Variants in GRK1 observed in about 807,000 individuals in gnomAD.
GRK1 encodes G protein-coupled receptor kinase 1.
A neutral mutation model predicts 41.7 loss-of-function variants in GRK1; 28 were observed. The observed-to-expected ratio is 0.67, with a 90% CI of 0.50 to 0.92. The LOEUF (loss-of-function observed/expected upper bound fraction) is 0.92. GRK1 is among the 40% of genes least tolerant of loss of function. The probability of loss-of-function intolerance (pLI) is 0.00; values close to 1 mark genes in which losing one functional copy is unlikely to be tolerated. For missense variants in GRK1, 703 were observed against 671.2 expected, an observed-to-expected ratio of 1.05 and a Z score of -0.52; for synonymous variants, 327 against 286.7, an observed-to-expected ratio of 1.14 and a Z score of -1.42.
At chr13:113,665,266 T>C (rs1403245943), upstream of GRK1, among the ~76,000 whole-genome samples, 1 of 152,188 alleles carries the variant, frequency 6.6e-6, no homozygotes. Flanking sequence ...TACTGTGTGC[T>C]GGAATAAGAC....
intron 2 of GRK1, among the ~76,000 whole-genome samples, chr13:113,670,783 T>C (rs1201876551): frequency 1.1e-5 from 1 of 92,234 alleles, no homozygotes; most frequent in Non-Finnish European, 2.3e-5. Context: ...GAGGGGGCGC[T>C]GGGAAACGCA....
chr13:113,735,127 G>A lies in GRK1; in HGVS notation c.1456G>A (p.Asp486Asn), dbSNP rs2049993170. The A allele has an allele frequency of 1.3e-6, 2 of 1,537,092 alleles. No homozygotes were observed. The highest frequency in any genetic ancestry group is 2.0e-5 in the Admixed American group (1 of 50,998). Residue 486 changes from aspartate to asparagine, a missense_variant, in exon 7 of 7, where the codon GAC (aspartate) becomes AAC (asparagine). Physicochemically the swap from Asp to Asn is conservative, Grantham distance 23 (BLOSUM62 1). Transcript: ENST00000335678. ...AACTGTCTACGCAAAGGATATTCAG[G>A]ACGTGGGTGCCTTTTCCACCGTCAA... Reference protein sequence around the residue: ...SKTVYAKDIQDVGAFSTVKGV... With the variant: ...SKTVYAKDIQNVGAFSTVKGV...
At chr13:113,657,717 G>A in the GRK1 span, among the ~76,000 whole-genome samples, 1 of 152,256 alleles carries the variant, frequency 6.6e-6, no homozygotes, top group South Asian at 2.1e-4. Flanking sequence ...TTTTCAAAAT[G>A]ATTCACTTTA....
intron 4 of GRK1, among the ~76,000 whole-genome samples, chr13:113,725,448 T>C (rs368465876): frequency 2.2e-3 from 2 of 896 alleles, no homozygotes; most frequent in African/African-American, 0.03. Flanking sequence ...AGGGGCGGGA[T>C]CCAGGGGCGT....
chr13:113,651,784 C>T, the GRK1 span: 1 of 1,583,870 alleles, frequency 6.3e-7, no homozygotes, highest in East Asian at 2.3e-5. Flanking sequence ...ATGTGAGGTG[C>T]ACGGCACCCA....
At position 113,667,988 on chromosome 13, in the gene GRK1, T is replaced by C. The variant is rs746154925; in HGVS notation, c.602T>C (p.Phe201Ser). The change falls in exon 1 of 7, where the codon TTC becomes TCC. Residue 201 changes from phenylalanine (F) to serine (S), a missense_variant. Phe to Ser is a radical substitution (Grantham distance 155). Coordinates refer to ENST00000335678, the MANE Select transcript of GRK1 (RefSeq NM_002929.3). This position sits in a 1 kb window ranked among gnomAD's most constrained non-coding sequence, Gnocchi z 7.5. ...TTCAGGGTCCTAGGGAAAGGGGGCT[T>C]CGGGGAGGTGTCGGCCTGCCAGATG... ...LDFRVLGKGG[F>S]GEVSACQMKA... The C allele has an allele frequency of 1.2e-6, 2 of 1,611,356 alleles. No homozygotes were observed. Among genetic ancestry groups the C allele is most frequent in the Admixed American group, 3.4e-5 (2 of 59,618 alleles).
In GRK1 at chr13:113,671,672, G is replaced by A. The variant is rs755004164; in HGVS notation, c.985+16G>A. Reference sequence around the variant, plus strand: ...GACAATGACGGTAGGAGGTGCCCTCGGCTGGGAGGGATGAGGGCTACGAGG... The same window carrying A: ...GACAATGACGGTAGGAGGTGCCCTCAGCTGGGAGGGATGAGGGCTACGAGG... On this transcript the variant is annotated intron_variant, in intron 3 of 6. Coordinates refer to ENST00000335678, the MANE Select transcript of GRK1 (RefSeq NM_002929.3). This position sits in a 1 kb window ranked among gnomAD's most constrained non-coding sequence, Gnocchi z 4.1. 6.8e-6 allele frequency: 5 copies of A among 738,658 alleles called. No homozygotes were observed. Among genetic ancestry groups the A allele is most frequent in the East Asian group, 2.5e-5 (1 of 39,586 alleles). The allele number at this position is 738,658 out of a possible 1,614,324, so 45.8% of individuals were successfully genotyped here.
the GRK1 span, among the ~76,000 whole-genome samples, chr13:113,659,248 T>C: frequency 6.6e-6 from 1 of 152,224 alleles, no homozygotes; most frequent in Non-Finnish European, 1.5e-5. Flanking sequence ...ATGCCATTGC[T>C]GCCTGCTGGC....
the GRK1 span, among the ~76,000 whole-genome samples, chr13:113,649,795 T>C: frequency 6.6e-6 from 1 of 152,068 alleles, no homozygotes; most frequent in African/African-American, 2.4e-5. The surrounding 1 kb of genome is among the most constrained non-coding windows in gnomAD (Gnocchi z 4.7). Flanking sequence ...AACGTAAAAA[T>C]GAAACAGGAA....
chr13:113,648,690 CA>C, the GRK1 span: 6 of 152,192 alleles, frequency 3.9e-5, no homozygotes, highest in Middle Eastern at 3.2e-3. Context: ...GCTGCCGACA[CA>C]CTCACTCCCC....
Position 113,733,093 on chromosome 13 carries a change from T to C in GRK1, c.1396+8T>C, listed in dbSNP as rs578112613. ...GGAGGCAGCTGGAGGCTGGTACTGT[T>C]GGACGCCTCAGCCCCGGAGAGGGTG... On this transcript the variant is annotated splice_region_variant and intron_variant, in intron 6 of 6. Transcript: ENST00000335678. The C allele has an allele frequency of 2.6e-6, 4 of 1,534,158 alleles. No homozygotes were observed. Among genetic ancestry groups the C allele is most frequent in the Non-Finnish European group, 3.5e-6 (4 of 1,145,470 alleles).
At chr13:113,729,888 C>T (rs527538480) in intron 4 of GRK1, among the ~76,000 whole-genome samples, 33 of 151,466 alleles carry the variant, frequency 2.2e-4, no homozygotes, top group African/African-American at 7.3e-4. Context: ...TCCCTCCATC[C>T]GGAGACAGTC....
chr13:113,659,966 C>T, the GRK1 span, among the ~76,000 whole-genome samples: 12 of 152,176 alleles, frequency 7.9e-5, no homozygotes, highest in Non-Finnish European at 1.3e-4. Flanking sequence ...TATTTCTAAA[C>T]ATCTTTGAAT....
At position 113,735,652 on chromosome 13, in the gene GRK1, C is replaced by G. The variant is rs892304167; in HGVS notation, c.*289C>G. 2.1e-5 allele frequency: 7 copies of G among 325,846 alleles called. No individual in the cohort carries two copies. Among genetic ancestry groups the G allele is most frequent in the South Asian group, 1.0e-4 (1 of 9,552 alleles). 20.2% of individuals were successfully genotyped at this position (325,846 alleles called of 1,614,324 possible). ...TCTCCAGAGGGAGTAAGCCAAAAAT[C>G]TACAAACTCTTAGGGAGCCTCCTGC... is the stretch of plus-strand genomic sequence containing the variant. On this transcript the variant is annotated 3_prime_UTR_variant, in exon 7 of 7. Coordinates refer to ENST00000335678, the MANE Select transcript of GRK1 (RefSeq NM_002929.3).
intron 6 of GRK1, among the ~76,000 whole-genome samples, chr13:113,733,737 A>ATGTG (rs879854132): frequency 1.1e-5 from 1 of 87,132 alleles, no homozygotes; most frequent in African/African-American, 4.9e-5. Context: ...GCGCGTGTGT[A>ATGTG]TGTGTGCATA....
chr13:113,650,577 G>C, the GRK1 span: 5 of 1,236,800 alleles, frequency 4.0e-6, no homozygotes, highest in Non-Finnish European at 5.7e-6. The surrounding 1 kb of genome is among the most constrained non-coding windows in gnomAD (Gnocchi z 5.0). Context: ...TGTTGCGTTT[G>C]TGTGCGTGTG....
chr13:113,723,841 C>T (rs983020756), intron 4 of GRK1, among the ~76,000 whole-genome samples: 2 of 130,826 alleles, frequency 1.5e-5, no homozygotes, highest in Admixed American at 7.2e-5. Flanking sequence ...TCTGTGCACA[C>T]GTGTCTGTGT....
At chr13:113,661,643 G>A in the GRK1 span, among the ~76,000 whole-genome samples, 1 of 152,060 alleles carries the variant, frequency 6.6e-6, no homozygotes, top group African/African-American at 2.4e-5. Context: ...ACTGATAGCA[G>A]GAATAAAATA....
chr13:113,733,746 T>C (rs2049964982), intron 6 of GRK1, among the ~76,000 whole-genome samples: 3 of 119,412 alleles, frequency 2.5e-5, no homozygotes, highest in Admixed American at 1.7e-4. Context: ...TATGTGTGCA[T>C]ACATGTGTGT....
Sources: gnomAD v4.1 joint callset for allele counts (sites outside exome capture counted in the v4.1 genomes callset) on GRCh38, gnomAD v4.1.1 for gene constraint, Gnocchi (gnomAD v3.1) non-coding constraint, MANE v1.5 for transcripts, NCBI Gene and HGNC (gene_info 2026-07-23, HGNC 2026-07-21) for gene names.